Variants in CNTNAP5 observed in about 807,000 individuals in gnomAD.
CNTNAP5 encodes contactin associated protein family member 5.
Under a neutral mutation model 150.2 loss-of-function variants are expected in CNTNAP5, and 72 were observed. The observed-to-expected ratio is 0.48, with a 90% CI of 0.40 to 0.58. The LOEUF (loss-of-function observed/expected upper bound fraction) is 0.58. CNTNAP5 is among the 20% of genes least tolerant of loss of function. The pLI, the probability that CNTNAP5 is intolerant of heterozygous loss-of-function variation, is 0.00. For synonymous variants in CNTNAP5, 672 were observed against 619.8 expected (o/e 1.08, Z -1.25); for missense variants, 1,636 against 1,626.2 (o/e 1.01, Z -0.10).
chr2:124,767,842 A>T (rs1681099481), intron 16 of CNTNAP5, among the ~76,000 whole-genome samples: 1 of 152,144 alleles, frequency 6.6e-6, no homozygotes, highest in African/African-American at 2.4e-5. Context: ...TCTCTCTGTT[A>T]TGAATGTTGA....
At chr2:124,873,830 A>G (rs1677799753) in intron 21 of CNTNAP5, among the ~76,000 whole-genome samples, 1 of 152,110 alleles carries the variant, frequency 6.6e-6, no homozygotes, top group African/African-American at 2.4e-5. Flanking sequence ...TAGATATGAA[A>G]AGAAAACATA....
At chr2:124,645,938 CTTTAAACAA>C (rs1678193378) in intron 12 of CNTNAP5, among the ~76,000 whole-genome samples, 1 of 152,040 alleles carries the variant, frequency 6.6e-6, no homozygotes, top group African/African-American at 2.4e-5. Flanking sequence ...GTGCCATGCA[CTTTAAACAA>C]CCAGATGTCA....
intron 21 of CNTNAP5, among the ~76,000 whole-genome samples, chr2:124,880,587 T>C (rs1033856891): frequency 6.6e-6 from 1 of 152,120 alleles, no homozygotes; most frequent in Non-Finnish European, 1.5e-5. Context: ...ATATAAATAT[T>C]TGGAATCAGT....
intron 1 of CNTNAP5, among the ~76,000 whole-genome samples, chr2:124,202,669 T>C (rs1465077011): frequency 6.6e-6 from 1 of 152,108 alleles, no homozygotes. Flanking sequence ...CATGGCAAAA[T>C]GCAAAAGAGG....
At chr2:124,901,267 C>T (rs982970776) in intron 21 of CNTNAP5, among the ~76,000 whole-genome samples, 17 of 151,402 alleles carry the variant, frequency 1.1e-4, no homozygotes, top group Non-Finnish European at 2.5e-4. Context: ...CCCAAGAATA[C>T]ATTAGGCCAT....
chr2:124,066,404 GT>G (rs1445032345), intron 1 of CNTNAP5, among the ~76,000 whole-genome samples: 2 of 152,154 alleles, frequency 1.3e-5, no homozygotes, highest in African/African-American at 2.4e-5. Flanking sequence ...CTAGTGATGA[GT>G]TTTTTCCCCT....
intron 1 of CNTNAP5, among the ~76,000 whole-genome samples, chr2:124,215,483 A>G (rs1488646298): frequency 6.6e-6 from 1 of 152,212 alleles, no homozygotes; most frequent in African/African-American, 2.4e-5. Flanking sequence ...GAAGACCTTC[A>G]GTATTTAACT....
chr2:124,209,495 C>T (rs1685950722), intron 1 of CNTNAP5, among the ~76,000 whole-genome samples: 1 of 152,220 alleles, frequency 6.6e-6, no homozygotes, highest in African/African-American at 2.4e-5. Context: ...CTTGAACGCA[C>T]TTCCCTGTGT....
chr2:124,864,636 G>C (rs1361384246), intron 19 of CNTNAP5, among the ~76,000 whole-genome samples: 2 of 151,616 alleles, frequency 1.3e-5, no homozygotes, highest in Non-Finnish European at 2.9e-5. Context: ...TGTCTCCTGG[G>C]AGTCTCATAT....
chr2:124,162,159 G>A (rs1211318354), intron 1 of CNTNAP5, among the ~76,000 whole-genome samples: 3 of 152,084 alleles, frequency 2.0e-5, no homozygotes, highest in Non-Finnish European at 4.4e-5. Context: ...AATAAATAAT[G>A]TAGTGCGCTT....
intron 1 of CNTNAP5, among the ~76,000 whole-genome samples, chr2:124,084,778 C>T (rs1682639990): frequency 6.6e-6 from 1 of 151,866 alleles, no homozygotes; most frequent in African/African-American, 2.4e-5. Context: ...CATATTCCAC[C>T]TTTCCTATTT....
chr2:124,095,167 A>G (rs1163605190), intron 1 of CNTNAP5, among the ~76,000 whole-genome samples: 2 of 152,170 alleles, frequency 1.3e-5, no homozygotes, highest in Admixed American at 1.3e-4. Flanking sequence ...TGCAGCCATG[A>G]AAAAGGATGA....
chr2:124,638,424 A>G (rs1678017645), intron 12 of CNTNAP5, among the ~76,000 whole-genome samples: 1 of 152,136 alleles, frequency 6.6e-6, no homozygotes, highest in Non-Finnish European at 1.5e-5. Context: ...CCAAGGGTAT[A>G]TAGTGAGACA....
At chr2:124,439,325 G>A (rs1357618040) in intron 5 of CNTNAP5, among the ~76,000 whole-genome samples, 1 of 152,122 alleles carries the variant, frequency 6.6e-6, no homozygotes, top group African/African-American at 2.4e-5. Context: ...TGCACTGGGG[G>A]TTAAAAGTTG....
chr2:124,268,604 A>G (rs1486017918), intron 3 of CNTNAP5, among the ~76,000 whole-genome samples: 1 of 152,236 alleles, frequency 6.6e-6, no homozygotes, highest in Non-Finnish European at 1.5e-5. Context: ...GTTAACAAGT[A>G]TACTTTCACA....
intron 13 of CNTNAP5, among the ~76,000 whole-genome samples, chr2:124,656,239 G>A (rs749597119): frequency 4.6e-5 from 7 of 152,056 alleles, no homozygotes; most frequent in South Asian, 2.1e-4. Context: ...GGGCAGAGTC[G>A]AGAGTCAAAC....
At chr2:124,838,489 A>C (rs1221518496) in intron 19 of CNTNAP5, among the ~76,000 whole-genome samples, 2 of 152,160 alleles carry the variant, frequency 1.3e-5, no homozygotes, top group Non-Finnish European at 2.9e-5. Flanking sequence ...CTTATGAAAG[A>C]ACATAGTTTT....
intron 6 of CNTNAP5, among the ~76,000 whole-genome samples, chr2:124,473,200 C>T (rs918976855): frequency 2.0e-5 from 3 of 151,552 alleles, no homozygotes; most frequent in Non-Finnish European, 4.4e-5. Context: ...AAAATAATAA[C>T]CTTAGTTGGA....
intron 1 of CNTNAP5, among the ~76,000 whole-genome samples, chr2:124,212,933 G>T (rs1686056490): frequency 6.9e-6 from 1 of 144,638 alleles, no homozygotes; most frequent in Non-Finnish European, 1.5e-5. Flanking sequence ...CCGCCTGCCG[G>T]ATTCATGCCA....
Sources: allele counts gnomAD v4.1 joint callset (sites outside exome capture counted in the v4.1 genomes callset), GRCh38; gene constraint gnomAD v4.1.1; transcripts MANE v1.5; gene names NCBI Gene and HGNC (gene_info 2026-07-23, HGNC 2026-07-21).